Variants in ARHGAP15 observed in about 807,000 individuals in gnomAD.
ARHGAP15 encodes the protein Rho GTPase activating protein 15, also known as rho GTPase-activating protein 15.
ARHGAP15 carries 51 observed loss-of-function variants against 63.7 expected under a neutral mutation model. The ratio of observed to expected loss-of-function variants is 0.80; its 90% confidence interval spans 0.64 to 1.01. ARHGAP15 has a LOEUF of 1.01. ARHGAP15 is among the 50% of genes least tolerant of loss of function. The pLI is 0.00. For missense variants in ARHGAP15, 560 were observed against 564.6 expected, an observed-to-expected ratio of 0.99 and a Z score of 0.08; for synonymous variants, 191 against 193.8, an observed-to-expected ratio of 0.99 and a Z score of 0.12.
At chr2:143,692,926 AT>A (rs1351750133) in intron 12 of ARHGAP15, among the ~76,000 whole-genome samples, 2 of 152,188 alleles carry the variant, frequency 1.3e-5, no homozygotes, top group Non-Finnish European at 2.9e-5. Flanking sequence ...TAAAGTTGAT[AT>A]TTTTTTCCCC....
rs528354935 is a variant in ARHGAP15, at chr2:143,735,053, A to G, written c.1244+31529A>G. Among the ~76,000 whole-genome samples, 5 of 152,376 alleles carry G rather than the reference A, an allele frequency of 3.3e-5. 1 individual carries two copies. In the South Asian group the frequency reaches 1.0e-3, roughly 32 times the overall value. On this transcript the variant is annotated intron_variant, in intron 13 of 13. Coordinates refer to ENST00000295095, the MANE Select transcript of ARHGAP15 (RefSeq NM_018460.4). ...AATAGTAGTACTAAGCACCAAAGTT[A>G]AAACACCCACTAGAACTATGATTTT...
chr2:143,554,560 T>C (rs1159197546), intron 10 of ARHGAP15, among the ~76,000 whole-genome samples: 1 of 152,148 alleles, frequency 6.6e-6, no homozygotes, highest in African/African-American at 2.4e-5. Context: ...CAATTTTTAA[T>C]ATTTTTAAAT....
chr2:143,213,555 C>T (rs78121090), intron 3 of ARHGAP15, among the ~76,000 whole-genome samples: 1,740 of 152,200 alleles, frequency 0.011, 39 homozygotes, highest in South Asian at 0.1. Flanking sequence ...AAATAAACAC[C>T]TGATCTCAGA....
At chr2:143,693,392 C>A (rs958229930) in intron 12 of ARHGAP15, among the ~76,000 whole-genome samples, 2 of 152,150 alleles carry the variant, frequency 1.3e-5, no homozygotes, top group African/African-American at 4.8e-5. Context: ...TTGCACATTT[C>A]TTTCTAAATG....
intron 11 of ARHGAP15, among the ~76,000 whole-genome samples, chr2:143,557,418 A>G (rs1048002074): frequency 6.6e-6 from 1 of 152,126 alleles, no homozygotes; most frequent in African/African-American, 2.4e-5. Flanking sequence ...ATATACTGGG[A>G]AAAGGAAAAC....
intron 1 of ARHGAP15, among the ~76,000 whole-genome samples, chr2:143,137,257 C>T (rs80323087): frequency 0.019 from 2,880 of 151,984 alleles, 84 homozygotes; most frequent in African/African-American, 0.064. Flanking sequence ...GTATTGACCT[C>T]GCCTGTCTTT....
intron 2 of ARHGAP15, among the ~76,000 whole-genome samples, chr2:143,179,531 G>A (rs1437670457): frequency 6.6e-6 from 1 of 152,104 alleles, no homozygotes; most frequent in Non-Finnish European, 1.5e-5. Context: ...ATTTCACAGA[G>A]CAAATAAAAG....
intron 12 of ARHGAP15, among the ~76,000 whole-genome samples, chr2:143,656,628 G>C (rs1681448217): frequency 6.6e-6 from 1 of 152,164 alleles, no homozygotes; most frequent in Non-Finnish European, 1.5e-5. Flanking sequence ...TCCAGTGGTA[G>C]AAAACACCAC....
intron 8 of ARHGAP15, among the ~76,000 whole-genome samples, chr2:143,458,327 C>A (rs753099453): frequency 6.6e-6 from 1 of 152,076 alleles, no homozygotes; most frequent in East Asian, 1.9e-4. Flanking sequence ...ATGCCAACAC[C>A]GCTGTGTCTG....
intron 13 of ARHGAP15, among the ~76,000 whole-genome samples, chr2:143,719,805 T>C (rs1559143331): frequency 6.6e-6 from 1 of 152,226 alleles, no homozygotes; most frequent in Non-Finnish European, 1.5e-5. Context: ...TCATATCACA[T>C]TTAAAATAAC....
intron 11 of ARHGAP15, among the ~76,000 whole-genome samples, chr2:143,602,467 G>T (rs1243802381): frequency 6.6e-6 from 1 of 152,140 alleles, no homozygotes; most frequent in Non-Finnish European, 1.5e-5. Flanking sequence ...GGAGGGAACA[G>T]ATTTTTGTTG....
At chr2:143,710,415 T>C (rs1192757426) in intron 13 of ARHGAP15, among the ~76,000 whole-genome samples, 1 of 152,236 alleles carries the variant, frequency 6.6e-6, no homozygotes, top group African/African-American at 2.4e-5. Flanking sequence ...CATTAAAATG[T>C]CATCTACTTA....
chr2:143,714,639 C>T (rs1684729050), intron 13 of ARHGAP15, among the ~76,000 whole-genome samples: 1 of 152,200 alleles, frequency 6.6e-6, no homozygotes, highest in Admixed American at 6.5e-5. Flanking sequence ...CCTAAGTCAC[C>T]TTTTGAATGC....
chr2:143,338,542 A>G (rs1368293416), intron 6 of ARHGAP15, among the ~76,000 whole-genome samples: 1 of 152,172 alleles, frequency 6.6e-6, no homozygotes, highest in Non-Finnish European at 1.5e-5. Flanking sequence ...TGATTACTCG[A>G]TGGGAAGTAG....
chr2:143,490,496 A>C (rs1692540074), intron 9 of ARHGAP15, among the ~76,000 whole-genome samples: 1 of 152,232 alleles, frequency 6.6e-6, no homozygotes, highest in African/African-American at 2.4e-5. Flanking sequence ...CCCCAATATC[A>C]CACAATCTAA....
At chr2:143,231,556 C>G (rs999600492) in intron 5 of ARHGAP15, among the ~76,000 whole-genome samples, 1 of 152,188 alleles carries the variant, frequency 6.6e-6, no homozygotes, top group African/African-American at 2.4e-5. Flanking sequence ...TCCTTTGGCT[C>G]TTACCCTTAC....
At chr2:143,564,390 A>G (rs1370144596) in intron 11 of ARHGAP15, among the ~76,000 whole-genome samples, 2 of 152,212 alleles carry the variant, frequency 1.3e-5, no homozygotes, top group African/African-American at 2.4e-5. Context: ...CCTGACTGCC[A>G]TAAGAATCTA....
chr2:143,588,518 C>T (rs895458330), intron 11 of ARHGAP15, among the ~76,000 whole-genome samples: 8 of 152,068 alleles, frequency 5.3e-5, no homozygotes, highest in African/African-American at 1.2e-4. Context: ...TGGTGGGTGT[C>T]GTTCCCTTCC....
chr2:143,494,302 T>C (rs1020821576), intron 9 of ARHGAP15, among the ~76,000 whole-genome samples: 6 of 152,164 alleles, frequency 3.9e-5, no homozygotes, highest in African/African-American at 1.2e-4. Context: ...ATTTATATTA[T>C]TTTAACTTTA....
Sources: allele counts gnomAD v4.1 joint callset (sites outside exome capture counted in the v4.1 genomes callset), GRCh38; gene constraint gnomAD v4.1.1; transcripts MANE v1.5; gene names NCBI Gene and HGNC (gene_info 2026-07-23, HGNC 2026-07-21).